Variants in PATJ observed in about 807,000 individuals in gnomAD.
PATJ encodes the protein inaD-like protein.
A neutral mutation model predicts 224.9 loss-of-function variants in PATJ; 190 were observed. That is an observed-to-expected ratio of 0.84 (90% confidence interval 0.75 to 0.95). The LOEUF (loss-of-function observed/expected upper bound fraction) is 0.95, where lower values mean the gene tolerates loss of function less well. Among genes scored for constraint, PATJ ranks in the 40% least tolerant of loss-of-function variants. PATJ has a pLI of 0.00. For missense variants in PATJ, 2,121 were observed against 2,270.3 expected, an observed-to-expected ratio of 0.93 and a Z score of 1.34; for synonymous variants, 769 against 820.3, an observed-to-expected ratio of 0.94 and a Z score of 1.07.
intron 18 of PATJ, among the ~76,000 whole-genome samples, chr1:61,858,332 G>A (rs1044021214): frequency 1.3e-5 from 2 of 152,006 alleles, no homozygotes; most frequent in African/African-American, 2.4e-5. Flanking sequence ...GTGCAATCTC[G>A]GCTCACTGCA....
chr1:61,952,838 G>C (rs1679914473), intron 27 of PATJ, among the ~76,000 whole-genome samples: 1 of 152,186 alleles, frequency 6.6e-6, no homozygotes, highest in South Asian at 2.1e-4. Flanking sequence ...ATTTATGTTA[G>C]AACTAGGTTA....
chr1:62,013,547 C>G (rs762788327), intron 28 of PATJ: 7 of 965,338 alleles, frequency 7.3e-6, no homozygotes, highest in Middle Eastern at 5.3e-4. Flanking sequence ...TGCGTGCCTG[C>G]GCTGATGGTT....
intron 1 of PATJ, among the ~76,000 whole-genome samples, chr1:61,753,361 G>A (rs1645438048): frequency 6.6e-6 from 1 of 152,070 alleles, no homozygotes; most frequent in Non-Finnish European, 1.5e-5. Context: ...CTTTCCCAAA[G>A]ATATTGCAAG....
intron 25 of PATJ, among the ~76,000 whole-genome samples, chr1:61,910,507 T>G (rs2149210940): frequency 6.8e-6 from 1 of 148,084 alleles, no homozygotes; most frequent in African/African-American, 2.4e-5. Flanking sequence ...TTGTTCCATT[T>G]TCAACTTTGT....
At position 61,847,937 on chromosome 1, in the gene PATJ, G is replaced by A. The variant is rs558765837; in HGVS notation, c.2113-8093G>A. On this transcript the variant is annotated intron_variant, in intron 17 of 43. Transcript: ENST00000642238. ...GGAGACATGCTGTCATATGTATTTT[G>A]TTGTTTTTTTTTATAGTAAATACCC... is the stretch of plus-strand genomic sequence containing the variant. Among the ~76,000 whole-genome samples, 129 of 78,512 alleles carry A rather than the reference G, an allele frequency of 1.6e-3. No homozygotes were observed. In the Admixed American group the frequency reaches 0.018, roughly 11 times the overall value. The allele number at this position is 78,512 out of a possible 152,430, so 51.5% of individuals were successfully genotyped here.
At chr1:62,005,496 G>T (rs1360987421) in intron 28 of PATJ, among the ~76,000 whole-genome samples, 1 of 151,550 alleles carries the variant, frequency 6.6e-6, no homozygotes, top group Non-Finnish European at 1.5e-5. Context: ...AGGCACAGTG[G>T]CTCATACCTA....
chr1:61,990,364 G>A lies in PATJ; in HGVS notation c.3867G>A (p.Glu1289=), dbSNP rs1254069710. The stretch of plus-strand genomic sequence containing the variant: ...TGCGTATTGGAGATGAACTCTTAGA[G>A]GTGAGAAGCATGTGTTTTTAACTTA... ...GRMRIGDELL[E]INNQILYGRS... The change falls in exon 28 of 44, where the codon GAG becomes GAA. Residue 1289 remains glutamate, a splice_region_variant and synonymous_variant. Transcript: ENST00000642238. 3 of 1,606,938 alleles carry A rather than the reference G, an allele frequency of 1.9e-6. No individual in the cohort carries two copies. Among genetic ancestry groups the A allele is most frequent in the Non-Finnish European group, 2.6e-6 (3 of 1,176,402 alleles).
chr1:62,124,080 T>C (rs1665417644), intron 39 of PATJ, among the ~76,000 whole-genome samples: 2 of 151,728 alleles, frequency 1.3e-5, no homozygotes, highest in Admixed American at 1.3e-4. Context: ...GTAGACTCTT[T>C]TTTTCTTTTT....
At chr1:61,982,505 A>G (rs1644503460) in intron 27 of PATJ, among the ~76,000 whole-genome samples, 1 of 152,044 alleles carries the variant, frequency 6.6e-6, no homozygotes, top group Admixed American at 6.5e-5. Context: ...GGAGGCATTT[A>G]CGAAGGTGTG....
At chr1:61,746,267 CTG>C (rs1226547902) in intron 1 of PATJ, among the ~76,000 whole-genome samples, 1 of 152,116 alleles carries the variant, frequency 6.6e-6, no homozygotes, top group African/African-American at 2.4e-5. Context: ...TTAGTAGAGA[CTG>C]TGTCTCGTTA....
chr1:61,911,695 T>TATATATATATATATA (rs1672666028), intron 25 of PATJ, among the ~76,000 whole-genome samples: 50 of 140,600 alleles, frequency 3.6e-4, no homozygotes, highest in Non-Finnish European at 4.6e-4. Flanking sequence ...CTATATATTT[T>TATATATATATATATA]TATATATATA....
intron 28 of PATJ, among the ~76,000 whole-genome samples, chr1:62,006,996 G>A (rs1461045517): frequency 6.6e-6 from 1 of 152,054 alleles, no homozygotes; most frequent in Admixed American, 6.5e-5. Flanking sequence ...GTAACACAAT[G>A]GTAAATATTT....
intron 14 of PATJ, among the ~76,000 whole-genome samples, chr1:61,819,156 C>T (rs567684771): frequency 6.6e-6 from 1 of 152,160 alleles, no homozygotes; most frequent in South Asian, 2.1e-4. Flanking sequence ...CTTAAGTGTC[C>T]CCTTCATTGT....
At chr1:61,750,588 C>T (rs942170212) in intron 1 of PATJ, among the ~76,000 whole-genome samples, 4 of 151,832 alleles carry the variant, frequency 2.6e-5, no homozygotes, top group African/African-American at 9.7e-5. Context: ...CAGGTGCCCG[C>T]GACCATGCCT....
At chr1:62,066,721 G>T (rs551974372) in intron 31 of PATJ, among the ~76,000 whole-genome samples, 1 of 152,152 alleles carries the variant, frequency 6.6e-6, no homozygotes, top group African/African-American at 2.4e-5. Context: ...TTTAATTGAC[G>T]CAAGACCAGC....
chr1:61,814,793 G>A (rs1042877092), intron 14 of PATJ, among the ~76,000 whole-genome samples: 4 of 152,012 alleles, frequency 2.6e-5, no homozygotes, highest in African/African-American at 7.2e-5. Flanking sequence ...AGTCAAAACC[G>A]ATTTTACAGA....
At position 61,801,730 on chromosome 1, in the gene PATJ, A is replaced by G; in HGVS notation, c.1510A>G (p.Thr504Ala). 1 of 1,599,798 alleles carries G rather than the reference A, an allele frequency of 6.3e-7. No individual in the cohort carries two copies. Residue 504 changes from threonine (T) to alanine (A), a missense_variant, in exon 12 of 44, where the codon ACT (threonine) becomes GCT (alanine). Physicochemically the swap from Thr to Ala is moderately conservative, Grantham distance 58. Transcript: ENST00000642238. The stretch of plus-strand genomic sequence containing the variant: ...TGAGGAAATTAAAGAAAGAATTGAT[A>G]CTTTAAAAAATGACAACATACAAGC... ...EDEEIKERID[T>A]LKNDNIQALE...
chr1:62,054,152 C>A (rs138901394), intron 31 of PATJ, among the ~76,000 whole-genome samples: 1,797 of 151,680 alleles, frequency 0.012, 18 homozygotes, highest in Middle Eastern at 0.048. Flanking sequence ...AGCCTAGTTC[C>A]AGACCAGCCT....
At chr1:61,945,937 G>T (rs890200940) in intron 27 of PATJ, among the ~76,000 whole-genome samples, 11 of 152,190 alleles carry the variant, frequency 7.2e-5, no homozygotes, top group Non-Finnish European at 1.5e-4. Flanking sequence ...CAACTGCATG[G>T]AAATTGAACA....
Sources: allele counts gnomAD v4.1 joint callset (sites outside exome capture counted in the v4.1 genomes callset), GRCh38; gene constraint gnomAD v4.1.1; transcripts MANE v1.5; gene names NCBI Gene and HGNC (gene_info 2026-07-23, HGNC 2026-07-21).